The following DLC1 variants were observed in gnomAD, a reference collection of about 807,000 sequenced individuals.
DLC1 encodes rho GTPase-activating protein 7.
Under a neutral mutation model 140.3 loss-of-function variants are expected in DLC1, and 54 were observed. The ratio of observed to expected loss-of-function variants is 0.38; its 90% confidence interval spans 0.31 to 0.48. DLC1 has a LOEUF of 0.48. Among genes scored for constraint, DLC1 ranks in the 20% least tolerant of loss-of-function variants. The pLI is 0.96. For synonymous variants in DLC1, 986 were observed against 728.1 expected (o/e 1.35, Z -5.70); for missense variants, 2,536 against 1,907.0 (o/e 1.33, Z -6.14).
At chr8:13,190,802 G>A (rs1477196865) in intron 5 of DLC1, among the ~76,000 whole-genome samples, 1 of 152,138 alleles carries the variant, frequency 6.6e-6, no homozygotes, top group Non-Finnish European at 1.5e-5. Flanking sequence ...GGGTTAGAGT[G>A]ATGCTGACCT....
chr8:13,120,358 T>A (rs113341860), intron 5 of DLC1, among the ~76,000 whole-genome samples: 116 of 38,906 alleles, frequency 3.0e-3, no homozygotes, highest in African/African-American at 4.5e-3. Context: ...AAAAAAAAAA[T>A]ATATATATAT....
chr8:13,569,800 C>A (rs761511218), intron 1 of DLC1, among the ~76,000 whole-genome samples: 1 of 152,210 alleles, frequency 6.6e-6, no homozygotes, highest in Non-Finnish European at 1.5e-5. Flanking sequence ...CTGCTTACTG[C>A]AGCCTCAACC....
At chr8:13,258,504 A>G (rs1830344507) in intron 5 of DLC1, among the ~76,000 whole-genome samples, 1 of 152,254 alleles carries the variant, frequency 6.6e-6, no homozygotes, top group Non-Finnish European at 1.5e-5. Context: ...TAAGGTTACA[A>G]GAACACAATG....
At chr8:13,144,281 T>C (rs1316692188) in intron 5 of DLC1, among the ~76,000 whole-genome samples, 1 of 152,198 alleles carries the variant, frequency 6.6e-6, no homozygotes, top group Admixed American at 6.5e-5. Context: ...GCCTTCAGAC[T>C]TGAACCAGTG....
chr8:13,567,908 C>G (rs190827878), intron 1 of DLC1: 84 of 1,551,742 alleles, frequency 5.4e-5, no homozygotes, highest in Non-Finnish European at 6.5e-5. Flanking sequence ...AAGCGACTTA[C>G]TCTAATCAAA....
intron 2 of DLC1, among the ~76,000 whole-genome samples, chr8:13,404,521 G>T (rs1027966638): frequency 1.3e-5 from 2 of 152,056 alleles, no homozygotes; most frequent in African/African-American, 4.8e-5. Flanking sequence ...TATAATTATG[G>T]TTTAGTCAAC....
intron 4 of DLC1, among the ~76,000 whole-genome samples, chr8:13,390,996 G>GGAAAAGA (rs1554510891): frequency 0.13 from 17,579 of 140,374 alleles, 1,455 homozygotes; most frequent in Non-Finnish European, 0.15. Flanking sequence ...AAAAAAAAAA[G>GGAAAAGA]AAAAAAAAAA....
intron 2 of DLC1, among the ~76,000 whole-genome samples, chr8:13,449,306 T>A (rs934863085): frequency 6.6e-6 from 1 of 152,096 alleles, no homozygotes; most frequent in African/African-American, 2.4e-5. Context: ...GGAGGGAACA[T>A]TTGTCTTTGA....
chr8:13,190,362 C>T (rs1053743704), intron 5 of DLC1, among the ~76,000 whole-genome samples: 1 of 152,042 alleles, frequency 6.6e-6, no homozygotes, highest in Non-Finnish European at 1.5e-5. Context: ...TCCCTGTTTC[C>T]CTTTCCACTG....
upstream of DLC1, among the ~76,000 whole-genome samples, chr8:13,517,819 G>A (rs920516277): frequency 1.1e-4 from 17 of 152,196 alleles, no homozygotes; most frequent in African/African-American, 4.1e-4. Context: ...TTACCTAACC[G>A]GGGTGAGGAT....
chr8:13,172,382 G>A (rs1394785313), intron 5 of DLC1, among the ~76,000 whole-genome samples: 1 of 152,176 alleles, frequency 6.6e-6, no homozygotes, highest in Non-Finnish European at 1.5e-5. Context: ...TTGTAGTGCT[G>A]GGGATTTTAC....
intron 5 of DLC1, among the ~76,000 whole-genome samples, chr8:13,232,327 G>A (rs949393175): frequency 4.6e-5 from 7 of 151,790 alleles, no homozygotes; most frequent in African/African-American, 1.7e-4. Flanking sequence ...CCAACCTGAT[G>A]ATTCTGCTAC....
At chr8:13,117,634 C>G (rs578029934) in intron 5 of DLC1, among the ~76,000 whole-genome samples, 11 of 152,368 alleles carry the variant, frequency 7.2e-5, no homozygotes, top group Non-Finnish European at 1.3e-4. Flanking sequence ...ATTGAACAGA[C>G]TGTTAGACAT....
intron 4 of DLC1, among the ~76,000 whole-genome samples, chr8:13,313,437 A>G (rs886762793): frequency 3.3e-5 from 5 of 152,244 alleles, no homozygotes; most frequent in African/African-American, 4.8e-5. Flanking sequence ...ACTAATTGGC[A>G]TGATGATTTT....
At chr8:13,254,936 T>A (rs1830156916) in intron 5 of DLC1, among the ~76,000 whole-genome samples, 1 of 152,096 alleles carries the variant, frequency 6.6e-6, no homozygotes, top group Non-Finnish European at 1.5e-5. Flanking sequence ...TGAGTTACTA[T>A]ATGATCTTGG....
At chr8:13,511,062 G>A (rs115921190) in intron 1 of DLC1, among the ~76,000 whole-genome samples, 4,220 of 151,920 alleles carry the variant, frequency 0.028, 196 homozygotes, top group African/African-American at 0.092. Flanking sequence ...TGGCAAGCTA[G>A]GTATTTTGCT....
chr8:13,254,472 A>G (rs1201102425), intron 5 of DLC1, among the ~76,000 whole-genome samples: 4 of 152,174 alleles, frequency 2.6e-5, no homozygotes, highest in African/African-American at 9.7e-5. Flanking sequence ...ACTATAACCT[A>G]TATCTTTCCA....
intron 5 of DLC1, among the ~76,000 whole-genome samples, chr8:13,170,470 C>G (rs1448860134): frequency 6.6e-6 from 1 of 152,128 alleles, no homozygotes; most frequent in East Asian, 1.9e-4. Context: ...GTGGCTCACG[C>G]CTGTAATCCC....
chr8:13,588,489 C>T (rs1481527649), intron 1 of DLC1, among the ~76,000 whole-genome samples: 2 of 152,084 alleles, frequency 1.3e-5, no homozygotes, highest in African/African-American at 2.4e-5. Flanking sequence ...TTGCCATGCT[C>T]ATCCAACACT....
Sources: allele counts gnomAD v4.1 joint callset (sites outside exome capture counted in the v4.1 genomes callset), GRCh38; gene constraint gnomAD v4.1.1; transcripts MANE v1.5; gene names NCBI Gene and HGNC (gene_info 2026-07-23, HGNC 2026-07-21).